The following PHACTR4 variants were observed in gnomAD, a reference collection of about 807,000 sequenced individuals.
PHACTR4 encodes the protein phosphatase and actin regulator 4.
Under a neutral mutation model 72.7 loss-of-function variants are expected in PHACTR4, and 51 were observed. The observed-to-expected ratio is 0.70, with a 90% CI of 0.56 to 0.89. The LOEUF is 0.89. PHACTR4 is among the 40% of genes least tolerant of loss of function. PHACTR4 has a pLI of 0.00. For missense variants in PHACTR4, 731 were observed against 861.8 expected, an observed-to-expected ratio of 0.85 and a Z score of 1.90; for synonymous variants, 255 against 302.5, an observed-to-expected ratio of 0.84 and a Z score of 1.63.
In PHACTR4 at chr1:28,496,501, G is replaced by A. The variant is rs768788259; in HGVS notation, c.2094-33G>A. On this transcript the variant is annotated intron_variant, in intron 13 of 13. Coordinates refer to ENST00000373839, the MANE Select transcript of PHACTR4 (RefSeq NM_001048183.3). Reference sequence around the variant, plus strand: ...TTAATAGCAAAGCAATGTACATCATGTGGTAACTTGTCTCTTTTTTAATCT... The same window carrying A: ...TTAATAGCAAAGCAATGTACATCATATGGTAACTTGTCTCTTTTTTAATCT... 200 of 1,611,058 alleles carry A rather than the reference G, an allele frequency of 1.2e-4. No individual in the cohort carries two copies. In the East Asian group the frequency reaches 3.3e-3, roughly 26 times the overall value.
chr1:28,381,521 A>G (rs1054553320), intron 1 of PHACTR4, among the ~76,000 whole-genome samples: 1 of 149,174 alleles, frequency 6.7e-6, no homozygotes, highest in African/African-American at 2.5e-5. Context: ...TATGGTCTCG[A>G]TCTCCTGACC....
chr1:28,458,136 G>A (rs919434473), intron 2 of PHACTR4, among the ~76,000 whole-genome samples: 4 of 149,716 alleles, frequency 2.7e-5, no homozygotes, highest in African/African-American at 1.0e-4. Flanking sequence ...GTGTGTGTGT[G>A]TGTGTGTGTG....
At chr1:28,459,392 CTTCTTTTT>C in intron 3 of PHACTR4, 134 bp downstream of exon 3, 1 of 401,636 alleles carries the variant, frequency 2.5e-6, no homozygotes, top group African/African-American at 2.3e-5. Context: ...TTCTTTCCTT[CTTCTTTTT>C]TTTTTTTTTT....
At chr1:28,386,390 G>C (rs1046713527) in intron 1 of PHACTR4, among the ~76,000 whole-genome samples, 8 of 151,996 alleles carry the variant, frequency 5.3e-5, no homozygotes, top group Non-Finnish European at 7.4e-5. Context: ...CACCACGCCT[G>C]ACCAATTCTG....
chr1:28,470,957 C>T (rs1176171257), intron 6 of PHACTR4, among the ~76,000 whole-genome samples: 1 of 149,794 alleles, frequency 6.7e-6, no homozygotes, highest in Non-Finnish European at 1.5e-5. Flanking sequence ...CCCAGGAGAT[C>T]GAGGCTGCAG....
chr1:28,395,325 G>T (rs1378769689), intron 1 of PHACTR4, among the ~76,000 whole-genome samples: 1 of 152,166 alleles, frequency 6.6e-6, no homozygotes, highest in Non-Finnish European at 1.5e-5. Flanking sequence ...GTCATGATCA[G>T]TGATGATGAT....
chr1:28,464,903 C>T (rs559831367), intron 4 of PHACTR4, among the ~76,000 whole-genome samples: 2 of 152,006 alleles, frequency 1.3e-5, no homozygotes, highest in South Asian at 4.2e-4. Context: ...AAGGTTTTAC[C>T]ATGTTAGACA....
chr1:28,474,586 G>A (rs903343075), intron 7 of PHACTR4, among the ~76,000 whole-genome samples: 48 of 151,156 alleles, frequency 3.2e-4, no homozygotes, highest in African/African-American at 1.1e-3. Flanking sequence ...TCTGTCACCC[G>A]GGCTGGAGTG....
chr1:28,380,050 A>ATTTTTTTTTTTTTTTTTTTTTT (rs1405487346), intron 1 of PHACTR4, among the ~76,000 whole-genome samples: 1 of 128,078 alleles, frequency 7.8e-6, no homozygotes, highest in Non-Finnish European at 1.6e-5. Flanking sequence ...TTTAAATGTA[A>ATTTTTTTTTTTTTTTTTTTTTT]CTTTTTTTTT....
intron 8 of PHACTR4, among the ~76,000 whole-genome samples, chr1:28,479,803 G>A (rs1162593282): frequency 6.6e-6 from 1 of 152,094 alleles, no homozygotes; most frequent in Non-Finnish European, 1.5e-5. Context: ...TAAGGCAGGA[G>A]AATCACTTGA....
intron 6 of PHACTR4, among the ~76,000 whole-genome samples, chr1:28,472,700 C>G (rs1303480212): frequency 1.3e-5 from 2 of 151,344 alleles, no homozygotes; most frequent in Non-Finnish European, 2.9e-5. Flanking sequence ...CTCCCAGGTT[C>G]AAGAGATTCT....
intron 1 of PHACTR4, among the ~76,000 whole-genome samples, chr1:28,375,158 G>A (rs2124103864): frequency 6.6e-6 from 1 of 152,206 alleles, no homozygotes; most frequent in African/African-American, 2.4e-5. Context: ...AATTAGCTGG[G>A]GGTGGTGGCC....
chr1:28,424,423 C>G (rs1300140721), intron 2 of PHACTR4, among the ~76,000 whole-genome samples: 1 of 152,126 alleles, frequency 6.6e-6, no homozygotes, highest in South Asian at 2.1e-4. Context: ...TTCCAAAGTG[C>G]TAAGATTACA....
intron 10 of PHACTR4, among the ~76,000 whole-genome samples, chr1:28,490,358 C>T (rs1311146464): frequency 6.6e-6 from 1 of 151,176 alleles, no homozygotes; most frequent in Non-Finnish European, 1.5e-5. Flanking sequence ...GGTGAAACCC[C>T]GTCTCTACTA....
chr1:28,466,609 A>G lies in PHACTR4; in HGVS notation c.664A>G (p.Asn222Asp). 1 of 1,613,860 alleles carries G rather than the reference A, an allele frequency of 6.2e-7. No individual in the cohort carries two copies. Among genetic ancestry groups the G allele is most frequent in the Admixed American group, 1.7e-5 (1 of 59,970 alleles). Residue 222 changes from asparagine to aspartate, a missense_variant, in exon 6 of 14, where the codon AAT becomes GAT. Physicochemically the swap from Asn to Asp is conservative, Grantham distance 23. Around this residue, in one of 2 missense-constraint regions of PHACTR4, gnomAD observed 621 missense variants for 676.6 expected, o/e 0.92. Transcript: ENST00000373839. ...TAATSLAKTV[N>D]LSVTPSPAPR... ...TGCCACAAGCCTTGCAAAGACTGTT[A>G]ATCTCTCTGTCACCCCTTCCCCAGC...
chr1:28,384,472 A>G (rs1652417401), intron 1 of PHACTR4, among the ~76,000 whole-genome samples: 1 of 152,078 alleles, frequency 6.6e-6, no homozygotes, highest in Non-Finnish European at 1.5e-5. Context: ...ATATTATCAG[A>G]TGGTTATTTG....
rs1658613271 is a variant in PHACTR4, at chr1:28,459,075, C to T, written c.17-10C>T. On this transcript the variant is annotated splice_polypyrimidine_tract_variant and intron_variant, in intron 2 of 13. Coordinates refer to ENST00000373839, the MANE Select transcript of PHACTR4 (RefSeq NM_001048183.3). ...TTTGCTTCCTTCCCTCTCTTCTTTT[C>T]ATGTAACAGAGGAAGCAGACCAGCC... 8.2e-6 allele frequency: 13 copies of T among 1,582,138 alleles called. No homozygotes were observed. The highest frequency in any genetic ancestry group is 1.1e-5 in the Non-Finnish European group (13 of 1,164,628).
In PHACTR4 at chr1:28,380,719, C is replaced by T. The variant is rs12567032; in HGVS notation, c.-39+10894C>T. ...ATAGTATTGCATGGTGTATACATAC[C>T]ACCTTTTCTTTATCTAGTCTACTTT... On this transcript the variant is annotated intron_variant, in intron 1 of 13. Coordinates refer to ENST00000373839, the MANE Select transcript of PHACTR4 (RefSeq NM_001048183.3). 3.3e-3 allele frequency among the ~76,000 whole-genome samples: 495 copies of T among 152,168 alleles called. 21 individuals carry two copies. In the East Asian group the frequency reaches 0.081, roughly 25 times the overall value.
Position 28,498,263 on chromosome 1 carries a change from G to A in PHACTR4, c.*1714G>A, listed in dbSNP as rs891080020. On this transcript the variant is annotated 3_prime_UTR_variant, in exon 14 of 14. Transcript: ENST00000373839. ...GAAAGGGTCTCTGGAGAAGCAAGAA[G>A]GGCACAATCATGGCCCACTGCTCCC... 2 of 152,324 alleles carry A rather than the reference G, an allele frequency of 1.3e-5. No individual in the cohort carries two copies. Among genetic ancestry groups the A allele is most frequent in the Admixed American group, 6.6e-5 (1 of 15,266 alleles). The allele number at this position is 152,324 out of a possible 1,614,324, so 9.4% of individuals were successfully genotyped here. A position where few individuals can be genotyped will look rare whatever the true frequency, so the allele number is the denominator to read the frequency against.
Sources: allele counts gnomAD v4.1 joint callset (sites outside exome capture counted in the v4.1 genomes callset), GRCh38; gene constraint gnomAD v4.1.1; regional missense constraint gnomAD v4.1.1; transcripts MANE v1.5; gene names NCBI Gene and HGNC (gene_info 2026-07-23, HGNC 2026-07-21).